Variants in HS6ST3 observed in about 807,000 individuals in gnomAD.
HS6ST3 encodes the protein heparan sulfate 6-O-sulfotransferase 3, also known as heparan-sulfate 6-O-sulfotransferase 3.
In HS6ST3, 12 loss-of-function variants were observed where a neutral mutation model predicts 36.7. The observed-to-expected ratio is 0.33, with a 90% CI of 0.21 to 0.53. The LOEUF is 0.53. Among genes scored for constraint, HS6ST3 ranks in the 20% least tolerant of loss-of-function variants. HS6ST3 has a pLI of 0.95. For missense variants in HS6ST3, 584 were observed against 640.9 expected, an observed-to-expected ratio of 0.91 and a Z score of 0.96; for synonymous variants, 240 against 257.5, an observed-to-expected ratio of 0.93 and a Z score of 0.65.
At chr13:96,601,689 T>G (rs2056422127) in intron 1 of HS6ST3, among the ~76,000 whole-genome samples, 1 of 152,200 alleles carries the variant, frequency 6.6e-6, no homozygotes, top group Non-Finnish European at 1.5e-5. Context: ...ACTCTTTTTT[T>G]TCATATTACG....
At chr13:96,812,372 ATTC>A (rs1878333813) in intron 1 of HS6ST3, among the ~76,000 whole-genome samples, 1 of 152,066 alleles carries the variant, frequency 6.6e-6, no homozygotes, top group Non-Finnish European at 1.5e-5. Flanking sequence ...CTTACTCCAA[ATTC>A]AAGTTAGCTT....
intron 1 of HS6ST3, among the ~76,000 whole-genome samples, chr13:96,345,118 A>C (rs1176031113): frequency 6.6e-6 from 1 of 152,184 alleles, no homozygotes. Context: ...GGGATGCTAG[A>C]GACATTTTGT....
intron 1 of HS6ST3, among the ~76,000 whole-genome samples, chr13:96,723,392 T>C (rs1875903137): frequency 2.0e-5 from 3 of 152,138 alleles, no homozygotes; most frequent in Admixed American, 1.3e-4. Context: ...CAGAATAAAC[T>C]TGGGTGGCTC....
At chr13:96,293,217 C>T (rs1488066110) in intron 1 of HS6ST3, among the ~76,000 whole-genome samples, 2 of 152,066 alleles carry the variant, frequency 1.3e-5, no homozygotes, top group Non-Finnish European at 2.9e-5. Context: ...AGGAACTCTA[C>T]TAATAGTTTT....
chr13:96,390,795 A>C (rs1187677074), intron 1 of HS6ST3, among the ~76,000 whole-genome samples: 1 of 152,100 alleles, frequency 6.6e-6, no homozygotes, highest in Non-Finnish European at 1.5e-5. Context: ...CTCTGGGTAG[A>C]TGCTTGCTGC....
At chr13:96,378,173 T>C (rs1229320174) in intron 1 of HS6ST3, among the ~76,000 whole-genome samples, 1 of 152,156 alleles carries the variant, frequency 6.6e-6, no homozygotes, top group Non-Finnish European at 1.5e-5. Context: ...CATGGCATCA[T>C]GCTAACTATG....
At chr13:96,307,579 G>A (rs1804949512) in intron 1 of HS6ST3, among the ~76,000 whole-genome samples, 1 of 151,694 alleles carries the variant, frequency 6.6e-6, no homozygotes, top group Non-Finnish European at 1.5e-5. Context: ...TCTTTTTATT[G>A]ATTTATTGTG....
At chr13:96,607,209 A>G (rs1222362951) in intron 1 of HS6ST3, among the ~76,000 whole-genome samples, 3 of 152,224 alleles carry the variant, frequency 2.0e-5, no homozygotes, top group African/African-American at 7.2e-5. Context: ...TGTAAACAAA[A>G]GGAAAAAATG....
At chr13:96,421,103 C>A (rs921413443) in intron 1 of HS6ST3, among the ~76,000 whole-genome samples, 1 of 152,120 alleles carries the variant, frequency 6.6e-6, no homozygotes, top group Non-Finnish European at 1.5e-5. Flanking sequence ...AGGTAGAAAT[C>A]AGAGTTGCAT....
intron 1 of HS6ST3, among the ~76,000 whole-genome samples, chr13:96,747,332 C>T (rs913706078): frequency 2.6e-5 from 4 of 151,958 alleles, no homozygotes; most frequent in Admixed American, 6.6e-5. Flanking sequence ...TAGCTTTTGG[C>T]GGGATTGGAA....
At chr13:96,426,343 T>A (rs1318793745) in intron 1 of HS6ST3, among the ~76,000 whole-genome samples, 2 of 152,222 alleles carry the variant, frequency 1.3e-5, no homozygotes, top group African/African-American at 2.4e-5. Context: ...ACACACTTTT[T>A]ATTTGTTTTC....
intron 1 of HS6ST3, among the ~76,000 whole-genome samples, chr13:96,575,020 A>G (rs894578893): frequency 6.6e-6 from 1 of 152,214 alleles, no homozygotes; most frequent in African/African-American, 2.4e-5. Context: ...CTGATGATAC[A>G]TAAGTGGATG....
intron 1 of HS6ST3, among the ~76,000 whole-genome samples, chr13:96,294,538 G>A (rs1251709233): frequency 6.6e-6 from 1 of 152,064 alleles, no homozygotes; most frequent in Non-Finnish European, 1.5e-5. Context: ...AACCCAGGAT[G>A]TTCCCCACAT....
chr13:96,515,206 A>G (rs2056067440), intron 1 of HS6ST3, among the ~76,000 whole-genome samples: 1 of 152,192 alleles, frequency 6.6e-6, no homozygotes, highest in Admixed American at 6.5e-5. Flanking sequence ...AACCATGAAC[A>G]CGCAGCTCTA....
intron 1 of HS6ST3, among the ~76,000 whole-genome samples, chr13:96,099,983 A>G (rs1014924630): frequency 1.3e-5 from 2 of 152,220 alleles, no homozygotes; most frequent in Admixed American, 6.5e-5. Context: ...TAAGAGCCCC[A>G]TAATATAGTA....
At chr13:96,369,753 T>G (rs1451739019) in intron 1 of HS6ST3, among the ~76,000 whole-genome samples, 1 of 152,082 alleles carries the variant, frequency 6.6e-6, no homozygotes, top group Non-Finnish European at 1.5e-5. Context: ...CAGGGTGGGT[T>G]TTTTCCCCCT....
chr13:96,260,410 C>T lies in HS6ST3; in HGVS notation c.707+168841C>T, dbSNP rs189941372. 5.8e-3 allele frequency among the ~76,000 whole-genome samples: 880 copies of T among 151,836 alleles called. 6 individuals carry two copies. The highest frequency in any genetic ancestry group is 0.045 in the Middle Eastern group (13 of 288). Reference sequence around the variant, plus strand: ...CACTGCAAGCTCTGCCTCCTGGGTTCAAGCCATTCTCCTGCCTCAGCCTCC... The same window carrying T: ...CACTGCAAGCTCTGCCTCCTGGGTTTAAGCCATTCTCCTGCCTCAGCCTCC... On this transcript the variant is annotated intron_variant, in intron 1 of 1. Coordinates refer to ENST00000376705, the MANE Select transcript of HS6ST3 (RefSeq NM_153456.4).
chr13:96,564,590 A>G (rs893096414), intron 1 of HS6ST3, among the ~76,000 whole-genome samples: 5 of 152,222 alleles, frequency 3.3e-5, no homozygotes, highest in African/African-American at 9.6e-5. Flanking sequence ...GCACAAGGTC[A>G]TGTAAGAATT....
chr13:96,755,116 A>G (rs1010483237), intron 1 of HS6ST3, among the ~76,000 whole-genome samples: 2 of 151,806 alleles, frequency 1.3e-5, no homozygotes, highest in African/African-American at 4.8e-5. Flanking sequence ...TAATATATAC[A>G]TTTTCTTCAC....
Sources: allele counts gnomAD v4.1 joint callset (sites outside exome capture counted in the v4.1 genomes callset), GRCh38; gene constraint gnomAD v4.1.1; transcripts MANE v1.5; gene names NCBI Gene and HGNC (gene_info 2026-07-23, HGNC 2026-07-21).